Variants in HPSE2 observed in about 807,000 individuals in gnomAD.
HPSE2 encodes the protein heparanase 2 (inactive).
In HPSE2, 38 loss-of-function variants were observed where a neutral mutation model predicts 60.5. That is an observed-to-expected ratio of 0.63 (90% CI 0.48 to 0.82). HPSE2 has a LOEUF of 0.82. Ranked by LOEUF, HPSE2 falls within the 40% of genes least tolerant of loss-of-function variation. The pLI is 0.00. For synonymous variants in HPSE2, 295 were observed against 293.2 expected (o/e 1.01, Z -0.06); for missense variants, 713 against 740.4 (o/e 0.96, Z 0.43).
chr10:99,127,547 A>G (rs1845210107), intron 3 of HPSE2, among the ~76,000 whole-genome samples: 1 of 152,236 alleles, frequency 6.6e-6, no homozygotes, highest in African/African-American at 2.4e-5. Context: ...GAAGAAGAGA[A>G]ATCTAAAAGT....
At chr10:99,037,587 C>T (rs1215051825) in intron 3 of HPSE2, among the ~76,000 whole-genome samples, 1 of 151,504 alleles carries the variant, frequency 6.6e-6, no homozygotes, top group Non-Finnish European at 1.5e-5. Flanking sequence ...CATATATGTA[C>T]ATAATATTAA....
intron 3 of HPSE2, among the ~76,000 whole-genome samples, chr10:98,955,674 C>T (rs762238945): frequency 5.3e-5 from 8 of 152,128 alleles, no homozygotes; most frequent in Non-Finnish European, 1.0e-4. Flanking sequence ...CACTGCAGCA[C>T]TATTCACAAT....
At chr10:99,106,192 T>C (rs1476785133) in intron 3 of HPSE2, among the ~76,000 whole-genome samples, 1 of 152,158 alleles carries the variant, frequency 6.6e-6, no homozygotes, top group Non-Finnish European at 1.5e-5. Context: ...TGCAGATTAA[T>C]TTGAGGAAAA....
At chr10:99,168,544 C>G (rs541464751) in intron 2 of HPSE2, among the ~76,000 whole-genome samples, 5 of 152,284 alleles carry the variant, frequency 3.3e-5, no homozygotes, top group Admixed American at 1.3e-4. Context: ...TTTTTATTTA[C>G]TTTACCTTTC....
chr10:98,554,459 T>C (rs486792), intron 9 of HPSE2, among the ~76,000 whole-genome samples: 6,588 of 152,300 alleles, frequency 0.043, 157 homozygotes, highest in South Asian at 0.087. Context: ...GCTGTGTCTG[T>C]ACTTCATTGT....
the HPSE2 span, among the ~76,000 whole-genome samples, chr10:99,313,592 A>ATTTTTTTTT: frequency 7.1e-5 from 6 of 84,644 alleles, no homozygotes; most frequent in Non-Finnish European, 1.2e-4. Context: ...ACTGACTCCA[A>ATTTTTTTTT]TTTTTTTTTT....
intron 4 of HPSE2, 45 bp from the exon 5 acceptor site, chr10:98,721,873 T>C: frequency 6.6e-7 from 1 of 1,509,838 alleles, no homozygotes. Flanking sequence ...AAGTGTAAGG[T>C]TCTGCCAACA....
At chr10:98,485,925 G>A (rs1941424046) in intron 10 of HPSE2, among the ~76,000 whole-genome samples, 1 of 152,166 alleles carries the variant, frequency 6.6e-6, no homozygotes. Flanking sequence ...GTGGGTGGGA[G>A]GGAGACCTGA....
At chr10:99,104,397 A>G (rs546350372) in intron 3 of HPSE2, among the ~76,000 whole-genome samples, 23 of 152,330 alleles carry the variant, frequency 1.5e-4, no homozygotes, top group African/African-American at 5.5e-4. Context: ...GTGATCATTA[A>G]AAAGTCAGGA....
chr10:99,058,651 T>C (rs1341003210), intron 3 of HPSE2, among the ~76,000 whole-genome samples: 1 of 152,212 alleles, frequency 6.6e-6, no homozygotes, highest in East Asian at 1.9e-4. Context: ...AAACTCTATA[T>C]TTTAAGCAGT....
At chr10:98,934,373 T>C (rs368923938) in intron 3 of HPSE2, among the ~76,000 whole-genome samples, 1 of 144,464 alleles carries the variant, frequency 6.9e-6, no homozygotes, top group Non-Finnish European at 1.5e-5. Flanking sequence ...CATAGTGTCA[T>C]TGGTCTGTGT....
intron 4 of HPSE2, among the ~76,000 whole-genome samples, chr10:98,738,491 T>C (rs925868836): frequency 2.0e-5 from 3 of 152,040 alleles, no homozygotes; most frequent in Non-Finnish European, 4.4e-5. Flanking sequence ...CTAATTAAAC[T>C]AAAGAGCTTC....
At chr10:99,026,047 G>GA (rs1194858829) in intron 3 of HPSE2, among the ~76,000 whole-genome samples, 3 of 151,300 alleles carry the variant, frequency 2.0e-5, no homozygotes, top group South Asian at 2.1e-4. Context: ...ACACAGGAAG[G>GA]AAAAAAAAGA....
chr10:98,457,448 C>G lies in HPSE2; in HGVS notation c.*2126G>C, dbSNP rs1324294902. 6.6e-6 allele frequency: 1 copy of G among 152,148 alleles called. No individual in the cohort carries two copies. Among genetic ancestry groups the G allele is most frequent in the East Asian group, 1.9e-4 (1 of 5,176 alleles). 9.4% of individuals were successfully genotyped at this position (152,148 alleles called of 1,614,324 possible). On this transcript the variant is annotated 3_prime_UTR_variant, in exon 12 of 12. Transcript: ENST00000370552. ...GGAAAAATGGGGATAACAGTAGTAC[C>G]CCTTTATCATGGGGTTACTAAGGAC...
chr10:98,518,348 C>T (rs1942670820), intron 9 of HPSE2, among the ~76,000 whole-genome samples: 1 of 152,178 alleles, frequency 6.6e-6, no homozygotes, highest in Admixed American at 6.5e-5. Context: ...AACTTCAGCA[C>T]TTTCTAGATG....
chr10:98,506,019 TTATC>T (rs1942188494), intron 9 of HPSE2, among the ~76,000 whole-genome samples: 2 of 152,190 alleles, frequency 1.3e-5, no homozygotes, highest in African/African-American at 4.8e-5. Context: ...CGGCATCAGA[TTATC>T]TAGTATCTAA....
chr10:98,490,012 C>A, intron 10 of HPSE2, 39 bp downstream of exon 10: 1 of 1,613,114 alleles, frequency 6.2e-7, no homozygotes, highest in Non-Finnish European at 8.5e-7. Context: ...GGGTGGGAGC[C>A]CCTCAGGTGG....
In HPSE2 at chr10:98,557,736, G is replaced by A. The variant is rs143044908; in HGVS notation, c.1320+57168C>T. On this transcript the variant is annotated intron_variant, in intron 9 of 11. Transcript: ENST00000370552. ...GAGGCCGAGGTGGGCGGATCATGAG[G>A]TCAAGAGATCGAGACCAGCCTGGCC... Among the ~76,000 whole-genome samples the A allele has an allele frequency of 6.1e-3, 931 of 152,290 alleles. 9 individuals carry two copies. Among genetic ancestry groups the A allele is most frequent in the African/African-American group, 0.021 (858 of 41,562 alleles).
At chr10:98,470,633 C>T (rs1028857589) in intron 11 of HPSE2, among the ~76,000 whole-genome samples, 2 of 152,248 alleles carry the variant, frequency 1.3e-5, no homozygotes, top group African/African-American at 4.8e-5. Context: ...TCTTCTCAGT[C>T]AGCCAGAACT....
Sources: allele counts gnomAD v4.1 joint callset (sites outside exome capture counted in the v4.1 genomes callset), GRCh38; gene constraint gnomAD v4.1.1; transcripts MANE v1.5; gene names NCBI Gene and HGNC (gene_info 2026-07-23, HGNC 2026-07-21).